The following ATP4A variants were observed in gnomAD, a reference collection of about 807,000 sequenced individuals.
ATP4A encodes the protein ATPase H+/K+ transporting subunit alpha.
In ATP4A, 73 loss-of-function variants were observed where a neutral mutation model predicts 112.1. The ratio of observed to expected loss-of-function variants is 0.65; its 90% CI spans 0.54 to 0.79. The LOEUF (loss-of-function observed/expected upper bound fraction) is 0.79, where lower values mean the gene tolerates loss of function less well. Ranked by LOEUF, ATP4A falls within the 30% of genes least tolerant of loss-of-function variation. The probability of loss-of-function intolerance (pLI) is 0.00; values close to 1 mark genes in which losing one functional copy is unlikely to be tolerated. For synonymous variants in ATP4A, 588 were observed against 588.9 expected, an observed-to-expected ratio of 1.00 and a Z score of 0.02; for missense variants, 1,081 against 1,425.9, an observed-to-expected ratio of 0.76 and a Z score of 3.90.
rs745794777 is a variant in ATP4A, at chr19:35,550,792, G to A, written c.3079+42C>T. The A allele has an allele frequency of 1.6e-5, 25 of 1,612,076 alleles. 1 individual carries two copies. Among genetic ancestry groups the A allele is most frequent in the Middle Eastern group, 1.6e-4 (1 of 6,080 alleles). On this transcript the variant is annotated intron_variant, in intron 21 of 21. Coordinates refer to ENST00000262623, the MANE Select transcript of ATP4A (RefSeq NM_000704.3). This position sits in a 1 kb window ranked among gnomAD's most constrained non-coding sequence, Gnocchi z 4.1. ...CAAAGGTGGGTGCAGCTGCTCAAAC[G>A]TTTCAGTCCCCTGCCCCCAGGCTCC...
Position 35,557,857 on chromosome 19 carries a change from G to A in ATP4A, c.1501-10C>T, listed in dbSNP as rs572627521. ...GCGTATGGATGGACAGCTGTGGGCGGGGGGGAGAGGCGAGGCTGTGGACGG... is the reference window on the plus strand; with the variant it reads ...GCGTATGGATGGACAGCTGTGGGCGAGGGGGAGAGGCGAGGCTGTGGACGG... On this transcript the variant is annotated splice_polypyrimidine_tract_variant and intron_variant, in intron 10 of 21. Coordinates refer to ENST00000262623, the MANE Select transcript of ATP4A (RefSeq NM_000704.3). This position sits in a 1 kb window ranked among gnomAD's most constrained non-coding sequence, Gnocchi z 4.4. 1 of 1,476,940 alleles carries A rather than the reference G, an allele frequency of 6.8e-7. No homozygotes were observed. The allele number at this position is 1,476,940 out of a possible 1,614,324, so 91.5% of individuals were successfully genotyped here. A position where few individuals can be genotyped will look rare whatever the true frequency, so the allele number is the denominator to read the frequency against.
intron 16 of ATP4A, 37 bp from the exon 17 acceptor site, chr19:35,553,866 G>C (rs1599570822): frequency 7.1e-6 from 11 of 1,546,050 alleles, no homozygotes; most frequent in Admixed American, 2.0e-5. Context: ...CTGAGGGTTT[G>C]GCTGGGCCCT....
At chr19:35,552,370 A>G (rs1179837243) in intron 18 of ATP4A, among the ~76,000 whole-genome samples, 5 of 152,210 alleles carry the variant, frequency 3.3e-5, no homozygotes, top group Admixed American at 3.3e-4. Context: ...AAGGGCTCCC[A>G]GAGGGCTGGG....
Position 35,560,815 on chromosome 19 carries a change from C to G in ATP4A, c.534+4G>C. The G allele has an allele frequency of 6.2e-7, 1 of 1,613,326 alleles. No homozygotes were observed. The highest frequency in any genetic ancestry group is 8.5e-7 in the Non-Finnish European group (1 of 1,179,386). On this transcript the variant is annotated splice_donor_region_variant and intron_variant, in intron 5 of 21. Coordinates refer to ENST00000262623, the MANE Select transcript of ATP4A (RefSeq NM_000704.3). The surrounding 1 kb of genome is among the most constrained non-coding windows in gnomAD (Gnocchi z 5.1). The stretch of plus-strand genomic sequence containing the variant: ...CTGGAGTGGCTGGGTGCTGGGGAAC[C>G]CACCTGTGGCACAAGGTTCTTAAAG...
chr19:35,558,315 G>A lies in ATP4A; in HGVS notation c.1500+47C>T, dbSNP rs765079300. 6.5e-5 allele frequency: 102 copies of A among 1,570,360 alleles called. 1 individual carries two copies. In the South Asian group the frequency reaches 1.1e-3, roughly 18 times the overall value. On this transcript the variant is annotated intron_variant, in intron 10 of 21. Coordinates refer to ENST00000262623, the MANE Select transcript of ATP4A (RefSeq NM_000704.3). This position sits in a 1 kb window ranked among gnomAD's most constrained non-coding sequence, Gnocchi z 5.1. ...CTGATGTGGGTGTGGCCTGGGGCGGGGCCCGAGGTGGGCGGGCCCAGGCCG... is the reference window on the plus strand; with the variant it reads ...CTGATGTGGGTGTGGCCTGGGGCGGAGCCCGAGGTGGGCGGGCCCAGGCCG...
Position 35,551,430 on chromosome 19 carries a change from G to A in ATP4A, c.2885+17C>T. 4 of 1,613,886 alleles carry A rather than the reference G, an allele frequency of 2.5e-6. No individual in the cohort carries two copies. The highest frequency in any genetic ancestry group is 3.4e-6 in the Non-Finnish European group (4 of 1,180,030). ...GACCAGGGGTTGGAGGGCAGGAAGAGGGCCAGCCAGGGACACCTGAAGAAG... is the reference window on the plus strand; with the variant it reads ...GACCAGGGGTTGGAGGGCAGGAAGAAGGCCAGCCAGGGACACCTGAAGAAG... On this transcript the variant is annotated intron_variant, in intron 19 of 21. Transcript: ENST00000262623. The surrounding 1 kb of genome is among the most constrained non-coding windows in gnomAD (Gnocchi z 5.2).
In ATP4A at chr19:35,563,513, G is replaced by A. The variant is rs754144212; in HGVS notation, c.27C>T (p.Leu9=). The A allele has an allele frequency of 1.4e-5, 22 of 1,614,074 alleles. No homozygotes were observed. The highest frequency in any genetic ancestry group is 1.9e-5 in the Non-Finnish European group (22 of 1,180,012). The part of the protein sequence containing the change: MGKAENYE[L]YSVELGPGPG... ...GGCCAGGACCCAGCTCCACCGAGTA[G>A]AGCTCATAGTTCTCCTGGGAATGGA... Residue 9 remains leucine, a synonymous_variant, in exon 2 of 22, where the codon CTC becomes CTT. Transcript: ENST00000262623.
chr19:35,553,083 T>C lies in ATP4A; in HGVS notation c.2705A>G (p.Glu902Gly). 1 of 1,611,004 alleles carries C rather than the reference T, an allele frequency of 6.2e-7. No homozygotes were observed. The highest frequency in any genetic ancestry group is 1.1e-5 in the South Asian group (1 of 90,918). Residue 902 changes from glutamate to glycine, a missense_variant, in exon 18 of 22, where the codon GAG becomes GGG. This residue lies in a region of ATP4A where 219 missense variants were observed against 320.9 expected (regional missense o/e 0.68). Transcript: ENST00000262623. ...CTGCAGATCTTGTAGGTGGTGGTCC[T>C]CCCACTGCGCCCGCAGCCCCACGCA... Reference protein sequence around the residue: ...LLCVGLRAQWEDHHLQDLQDS... With the variant: ...LLCVGLRAQWGDHHLQDLQDS...
Position 35,560,566 on chromosome 19 carries a change from T to C in ATP4A, c.584A>G (p.Gln195Arg). The C allele has an allele frequency of 6.2e-7, 1 of 1,611,124 alleles. No individual in the cohort carries two copies. Among genetic ancestry groups the C allele is most frequent in the Non-Finnish European group, 8.5e-7 (1 of 1,179,420 alleles). ...DGDKFQINADQLVVGDLVEMK... is the reference protein window; with the variant it reads ...DGDKFQINADRLVVGDLVEMK... ...CTCCACCAGGTCGCCCACCACCAGT[T>C]GGTCAGCGTTGATCTGGAATTTGTC... is the stretch of plus-strand genomic sequence containing the variant. Residue 195 changes from glutamine (Q) to arginine (R), a missense_variant, in exon 6 of 22, where the codon CAA becomes CGA. Coordinates refer to ENST00000262623, the MANE Select transcript of ATP4A (RefSeq NM_000704.3). The surrounding 1 kb of genome is among the most constrained non-coding windows in gnomAD (Gnocchi z 5.1).
At position 35,557,859 on chromosome 19, in the gene ATP4A, G is replaced by A. The variant is rs781182700; in HGVS notation, c.1501-12C>T. Reference sequence around the variant, plus strand: ...GTATGGATGGACAGCTGTGGGCGGGGGGGAGAGGCGAGGCTGTGGACGGGG... The same window carrying A: ...GTATGGATGGACAGCTGTGGGCGGGAGGGAGAGGCGAGGCTGTGGACGGGG... On this transcript the variant is annotated splice_polypyrimidine_tract_variant and intron_variant, in intron 10 of 21. Transcript: ENST00000262623. The surrounding 1 kb of genome is among the most constrained non-coding windows in gnomAD (Gnocchi z 4.4). 7.5e-6 allele frequency: 11 copies of A among 1,473,042 alleles called. No homozygotes were observed. Among genetic ancestry groups the A allele is most frequent in the East Asian group, 2.5e-5 (1 of 39,828 alleles). The allele number at this position is 1,473,042 out of a possible 1,614,324, so 91.2% of individuals were successfully genotyped here. A position where few individuals can be genotyped will look rare whatever the true frequency, so the allele number is the denominator to read the frequency against.
In ATP4A at chr19:35,557,595, C is replaced by T; in HGVS notation, c.1693+60G>A. 1 of 1,513,498 alleles carries T rather than the reference C, an allele frequency of 6.6e-7. No individual in the cohort carries two copies. Among genetic ancestry groups the T allele is most frequent in the Non-Finnish European group, 8.9e-7 (1 of 1,122,792 alleles). The allele number at this position is 1,513,498 out of a possible 1,614,324, so 93.8% of individuals were successfully genotyped here. The stretch of plus-strand genomic sequence containing the variant: ...TCAGGGCTGGGCCGGGAGTGGTGGG[C>T]AGGGTCTGTGCTAGCTCCTCCTCGC... On this transcript the variant is annotated intron_variant, in intron 11 of 21. Transcript: ENST00000262623. The surrounding 1 kb of genome is among the most constrained non-coding windows in gnomAD (Gnocchi z 4.4).
At position 35,558,909 on chromosome 19, in the gene ATP4A, G is replaced by T; in HGVS notation, c.1255+84C>A. ...CCGAGCCGCCCCGCCTTCGTACAAA[G>T]CCCTCCCTACCTCCCTATCCCTCTT... is the stretch of plus-strand genomic sequence containing the variant. On this transcript the variant is annotated intron_variant, in intron 8 of 21. Transcript: ENST00000262623. This position sits in a 1 kb window ranked among gnomAD's most constrained non-coding sequence, Gnocchi z 5.1. 1.3e-6 allele frequency: 2 copies of T among 1,534,258 alleles called. No individual in the cohort carries two copies. The highest frequency in any genetic ancestry group is 1.7e-5 in the Admixed American group (1 of 58,416).
rs773403696 is a variant in ATP4A at position 35,558,417 on chromosome 19, C to A, written c.1445G>T (p.Arg482Leu). Residue 482 changes from arginine (R) to leucine (L), a missense_variant, in exon 10 of 22, where the codon CGG becomes CTG. Arg to Leu is a moderately radical substitution (Grantham distance 102, BLOSUM62 -2). Transcript: ENST00000262623. This position sits in a 1 kb window ranked among gnomAD's most constrained non-coding sequence, Gnocchi z 5.1. ...CTCGCAGACTTTTGGGAAGCGGTCC[C>A]GGTAGCCCATGGCGTTGCCCAGCGT... The part of the protein sequence containing the change: ...ELTLGNAMGY[R>L]DRFPKVCEIP... 3 of 1,610,192 alleles carry A rather than the reference C, an allele frequency of 1.9e-6. No homozygotes were observed. The highest frequency in any genetic ancestry group is 2.5e-6 in the Non-Finnish European group (3 of 1,178,554).
At position 35,559,811 on chromosome 19, in the gene ATP4A, A is replaced by G. The variant is rs192041966; in HGVS notation, c.1050T>C (p.Thr350=). The part of the protein sequence containing the change: ...VAYVPEGLLA[T]VTVCLSLTAK... ...CCCGCCTGCCCCCACTCACTGTGAC[A>G]GTGGCCAGCAGCCCCTCAGGCACAT... Residue 350 remains threonine (T), a synonymous_variant, in exon 7 of 22, where the codon ACT becomes ACC. Coordinates refer to ENST00000262623, the MANE Select transcript of ATP4A (RefSeq NM_000704.3). The surrounding 1 kb of genome is among the most constrained non-coding windows in gnomAD (Gnocchi z 4.1). 1.7e-5 allele frequency: 28 copies of G among 1,613,880 alleles called. No homozygotes were observed. The East Asian group carries it at 3.3e-4, about 19-fold the overall frequency.
At position 35,550,800 on chromosome 19, in the gene ATP4A, C is replaced by T. The variant is rs1325136832; in HGVS notation, c.3079+34G>A. ...GGTGCAGCTGCTCAAACGTTTCAGT[C>T]CCCTGCCCCCAGGCTCCCAGTCTCC... On this transcript the variant is annotated intron_variant, in intron 21 of 21. Coordinates refer to ENST00000262623, the MANE Select transcript of ATP4A (RefSeq NM_000704.3). This position sits in a 1 kb window ranked among gnomAD's most constrained non-coding sequence, Gnocchi z 4.1. 2 of 1,613,224 alleles carry T rather than the reference C, an allele frequency of 1.2e-6. No individual in the cohort carries two copies. The highest frequency in any genetic ancestry group is 1.7e-6 in the Non-Finnish European group (2 of 1,179,290).
rs568429772 is a variant in ATP4A, at chr19:35,555,386, C to A, written c.2158-52G>T. On this transcript the variant is annotated intron_variant, in intron 14 of 21. Transcript: ENST00000262623. The surrounding 1 kb of genome is among the most constrained non-coding windows in gnomAD (Gnocchi z 6.6). ...GTGGGTGGTCAGTGAGAGGCCGGTC[C>A]AAGACCAGCCCCGCCTGTCTGCCCG... is the stretch of plus-strand genomic sequence containing the variant. The A allele has an allele frequency of 3.8e-6, 6 of 1,593,448 alleles. No individual in the cohort carries two copies. The highest frequency in any genetic ancestry group is 5.1e-6 in the Non-Finnish European group (6 of 1,168,698).
At position 35,560,039 on chromosome 19, in the gene ATP4A, G is replaced by C; in HGVS notation, c.822C>G (p.Asp274Glu). 2 of 1,614,132 alleles carry C rather than the reference G, an allele frequency of 1.2e-6. No homozygotes were observed. The highest frequency in any genetic ancestry group is 4.5e-5 in the East Asian group (2 of 44,882). The stretch of plus-strand genomic sequence containing the variant: ...ATGCGATGCGCCCAATGATGGTGCG[G>C]TCGCCCGTGTTCACCACCAGGCCCT... Reference protein sequence around the residue: ...TVQGLVVNTGDRTIIGRIASL... With the variant: ...TVQGLVVNTGERTIIGRIASL... Residue 274 changes from aspartate to glutamate, a missense_variant, in exon 7 of 22, where the codon GAC becomes GAG. Physicochemically the swap from Asp to Glu is conservative, Grantham distance 45 (BLOSUM62 2). This residue lies in a region of ATP4A where 850 missense variants were observed against 1,068.2 expected (regional missense o/e 0.80). Transcript: ENST00000262623. This position sits in a 1 kb window ranked among gnomAD's most constrained non-coding sequence, Gnocchi z 5.1.
chr19:35,552,888 T>G, intron 18 of ATP4A, 149 bp downstream of exon 18: 2 of 1,004,358 alleles, frequency 2.0e-6, no homozygotes, highest in Non-Finnish European at 2.8e-6. Flanking sequence ...GGAAAGGCCC[T>G]TGCCCCCCCG....
chr19:35,557,508 G>T lies in ATP4A; in HGVS notation c.1693+147C>A. On this transcript the variant is annotated intron_variant, in intron 11 of 21. Transcript: ENST00000262623. The surrounding 1 kb of genome is among the most constrained non-coding windows in gnomAD (Gnocchi z 4.4). ...CAGACAGGGGTCAGGACTGGTACAG[G>T]GAAAGTCAAGGGTGAGGCTGTGGAC... 1.0e-6 allele frequency: 1 copy of T among 992,868 alleles called. No individual in the cohort carries two copies. The highest frequency in any genetic ancestry group is 1.7e-5 in the South Asian group (1 of 59,730). The allele number at this position is 992,868 out of a possible 1,614,324, so 61.5% of individuals were successfully genotyped here. A position where few individuals can be genotyped will look rare whatever the true frequency, so the allele number is the denominator to read the frequency against.
Sources: gnomAD v4.1 joint callset for allele counts (sites outside exome capture counted in the v4.1 genomes callset) on GRCh38, gnomAD v4.1.1 for gene constraint, gnomAD v4.1.1 regional missense constraint, Gnocchi (gnomAD v3.1) non-coding constraint, MANE v1.5 for transcripts, NCBI Gene and HGNC (gene_info 2026-07-23, HGNC 2026-07-21) for gene names.